The following CEP83 variants were observed in gnomAD, a reference collection of about 807,000 sequenced individuals.
CEP83 encodes the protein centrosomal protein 83.
A neutral mutation model predicts 101.9 loss-of-function variants in CEP83; 70 were observed. That is an observed-to-expected ratio of 0.69 (90% CI 0.57 to 0.84). The LOEUF (loss-of-function observed/expected upper bound fraction) is 0.84. Ranked by LOEUF, CEP83 falls within the 40% of genes least tolerant of loss-of-function variation. The pLI, the probability that CEP83 is intolerant of heterozygous loss-of-function variation, is 0.00. For missense variants in CEP83, 715 were observed against 787.2 expected (o/e 0.91, Z 1.10); for synonymous variants, 264 against 267.9 (o/e 0.99, Z 0.14).
At chr12:94,346,509 T>C (rs1420742406) in intron 11 of CEP83, among the ~76,000 whole-genome samples, 1 of 151,602 alleles carries the variant, frequency 6.6e-6, no homozygotes, top group Admixed American at 6.6e-5. Flanking sequence ...CTTAAGCTTG[T>C]GAACCACTCT....
At chr12:94,321,777 T>C (rs1459759033) in intron 14 of CEP83, among the ~76,000 whole-genome samples, 1 of 152,118 alleles carries the variant, frequency 6.6e-6, no homozygotes, top group East Asian at 1.9e-4. Context: ...CTAGGAGCTC[T>C]GTCCCAGACA....
chr12:94,380,071 C>CAAAAAAAAAAAAAAAAAAAAAAAA (rs11362391), intron 6 of CEP83, among the ~76,000 whole-genome samples: 4 of 83,186 alleles, frequency 4.8e-5, no homozygotes, highest in Non-Finnish European at 7.1e-5. Flanking sequence ...CCCGGCCCTG[C>CAAAAAAAAAAAAAAAAAAAAAAAA]AAAAAAAAAA....
chr12:94,397,870 C>T (rs549728901), intron 6 of CEP83, among the ~76,000 whole-genome samples: 2 of 152,220 alleles, frequency 1.3e-5, no homozygotes, highest in Non-Finnish European at 2.9e-5. Context: ...CCCTTCATAC[C>T]ACATGTAGTG....
chr12:94,333,477 T>C lies in CEP83; in HGVS notation c.1577+5A>G. On this transcript the variant is annotated splice_donor_5th_base_variant and intron_variant, in intron 13 of 16. Transcript: ENST00000397809. The stretch of plus-strand genomic sequence containing the variant: ...AATAGTTTGTACATAAAGAGCAAAC[T>C]CTACTTTTCAGCTTCTAGTTGCGCT... 1 of 1,611,066 alleles carries C rather than the reference T, an allele frequency of 6.2e-7. No individual in the cohort carries two copies. The highest frequency in any genetic ancestry group is 8.5e-7 in the Non-Finnish European group (1 of 1,179,004).
intron 11 of CEP83, among the ~76,000 whole-genome samples, chr12:94,348,556 C>T (rs569188897): frequency 3.9e-5 from 6 of 152,096 alleles, no homozygotes; most frequent in Admixed American, 2.6e-4. Context: ...ATACGACTAC[C>T]GGCAATGACC....
At chr12:94,419,639 T>C (rs182332492) in intron 2 of CEP83, among the ~76,000 whole-genome samples, 1 of 152,284 alleles carries the variant, frequency 6.6e-6, no homozygotes, top group East Asian at 1.9e-4. Context: ...TAGTATGCCA[T>C]TGGCTTAATT....
At chr12:94,426,359 T>C (rs1048937237) in intron 2 of CEP83, among the ~76,000 whole-genome samples, 1 of 152,152 alleles carries the variant, frequency 6.6e-6, no homozygotes, top group Non-Finnish European at 1.5e-5. Context: ...CCCTCCCAAA[T>C]AGTTCATTAT....
chr12:94,283,960 G>A, the CEP83 span, among the ~76,000 whole-genome samples: 68 of 152,240 alleles, frequency 4.5e-4, 1 homozygote, highest in South Asian at 0.013. Context: ...GTGCACATCT[G>A]TAATCCCAGC....
the CEP83 span, among the ~76,000 whole-genome samples, chr12:94,291,094 G>C: frequency 6.6e-6 from 1 of 152,350 alleles, no homozygotes; most frequent in South Asian, 2.1e-4. Context: ...GGGCACTGTA[G>C]GGCCACTTGA....
intron 4 of CEP83, chr12:94,407,876 T>C (rs1363242316): frequency 6.6e-6 from 1 of 152,574 alleles, no homozygotes; most frequent in East Asian, 1.9e-4. Context: ...TGGGGTGCAG[T>C]GGCACGATCT....
At chr12:94,423,245 C>T (rs907068146) in intron 2 of CEP83, among the ~76,000 whole-genome samples, 24 of 152,184 alleles carry the variant, frequency 1.6e-4, no homozygotes, top group Middle Eastern at 3.4e-3. Context: ...CCAGCACACC[C>T]GGCTGATTTT....
chr12:94,365,816 TAGG>T (rs1345690516), intron 11 of CEP83, among the ~76,000 whole-genome samples: 1 of 138,614 alleles, frequency 7.2e-6, no homozygotes, highest in Non-Finnish European at 1.6e-5. Context: ...TAAATGAACA[TAGG>T]AGACTATTTC....
the CEP83 span, among the ~76,000 whole-genome samples, chr12:94,298,041 T>G: frequency 6.6e-6 from 1 of 152,196 alleles, no homozygotes; most frequent in East Asian, 1.9e-4. Context: ...CCCCAGGAAC[T>G]TGATGGGCAT....
At chr12:94,325,688 A>C (rs1463999596) in intron 14 of CEP83, among the ~76,000 whole-genome samples, 4 of 152,204 alleles carry the variant, frequency 2.6e-5, no homozygotes, top group Non-Finnish European at 4.4e-5. Flanking sequence ...CCTCGTAGGG[A>C]AGACAGTCTG....
At chr12:94,388,952 C>G (rs1050830312) in intron 6 of CEP83, among the ~76,000 whole-genome samples, 1 of 152,020 alleles carries the variant, frequency 6.6e-6, no homozygotes, top group Non-Finnish European at 1.5e-5. Flanking sequence ...CATGACGAAA[C>G]CCCACCTCTA....
At chr12:94,356,245 GTTCGT>G (rs2060468475) in intron 11 of CEP83, among the ~76,000 whole-genome samples, 1 of 152,192 alleles carries the variant, frequency 6.6e-6, no homozygotes, top group African/African-American at 2.4e-5. Context: ...ATGGGGTCTG[GTTCGT>G]TTCATCTTAG....
chr12:94,447,265 GC>G (rs754126044), intron 1 of CEP83, among the ~76,000 whole-genome samples: 9 of 152,146 alleles, frequency 5.9e-5, no homozygotes, highest in Non-Finnish European at 1.0e-4. Flanking sequence ...TGTAATCCCA[GC>G]ACTTTGAGAG....
At chr12:94,406,056 T>C (rs1428966565) in intron 4 of CEP83, among the ~76,000 whole-genome samples, 1 of 152,182 alleles carries the variant, frequency 6.6e-6, no homozygotes, top group East Asian at 1.9e-4. Flanking sequence ...AAATCCTTTG[T>C]TTCATAAAGA....
chr12:94,333,771 C>T, intron 12 of CEP83, 132 bp from the exon 13 acceptor site: 2 of 742,196 alleles, frequency 2.7e-6, no homozygotes, highest in Non-Finnish European at 4.3e-6. Flanking sequence ...GAGATGACCC[C>T]TAAAGGAAAT....
Sources: gnomAD v4.1 joint callset for allele counts (sites outside exome capture counted in the v4.1 genomes callset) on GRCh38, gnomAD v4.1.1 for gene constraint, MANE v1.5 for transcripts, NCBI Gene and HGNC (gene_info 2026-07-23, HGNC 2026-07-21) for gene names.